The following SOX5 variants were observed in gnomAD, a reference collection of about 807,000 sequenced individuals.
The protein encoded by SOX5 is SRY-box transcription factor 5.
A neutral mutation model predicts 92.0 loss-of-function variants in SOX5; 9 were observed. The ratio of observed to expected loss-of-function variants is 0.10; its 90% CI spans 0.06 to 0.17. SOX5 has a LOEUF of 0.17. Among genes scored for constraint, SOX5 ranks in the 10% least tolerant of loss-of-function variants. The probability of loss-of-function intolerance (pLI) is 1.00; values close to 1 mark genes in which losing one functional copy is unlikely to be tolerated. For missense variants in SOX5, 642 were observed against 944.5 expected (o/e 0.68, Z 4.20); for synonymous variants, 344 against 336.3 (o/e 1.02, Z -0.25).
intron 1 of SOX5, among the ~76,000 whole-genome samples, chr12:24,398,730 G>C (rs1362821331): frequency 6.6e-6 from 1 of 152,212 alleles, no homozygotes; most frequent in Non-Finnish European, 1.5e-5. Flanking sequence ...TTTTGACTAT[G>C]CATTGATAAA....
chr12:23,902,368 T>C (rs2097243851), intron 1 of SOX5, among the ~76,000 whole-genome samples: 1 of 152,168 alleles, frequency 6.6e-6, no homozygotes, highest in Admixed American at 6.5e-5. Context: ...TAGGATGCAG[T>C]GCCTTCTACT....
intron 4 of SOX5, among the ~76,000 whole-genome samples, chr12:24,127,708 C>T (rs764166264): frequency 2.6e-5 from 4 of 152,058 alleles, no homozygotes; most frequent in African/African-American, 4.8e-5. Context: ...AAAAAATCAC[C>T]ACTCTCTTTG....
rs201697261 is a variant in SOX5, at chr12:23,543,416, G to A, written c.1598-32C>T. 5.1e-5 allele frequency: 81 copies of A among 1,578,180 alleles called. No individual in the cohort carries two copies. The Admixed American group carries it at 8.1e-4, about 16-fold the overall frequency. On this transcript the variant is annotated intron_variant, in intron 12 of 14. Coordinates refer to ENST00000451604, the MANE Select transcript of SOX5 (RefSeq NM_006940.6). Reference sequence around the variant, plus strand: ...ACAGGAAACATCACTTCGTGTTAGCGTTAAAACTTTTGTCAGCTCTTTTCC... The same window carrying A: ...ACAGGAAACATCACTTCGTGTTAGCATTAAAACTTTTGTCAGCTCTTTTCC...
At chr12:23,805,343 TAATA>T (rs2095750747) in intron 3 of SOX5, among the ~76,000 whole-genome samples, 1 of 151,790 alleles carries the variant, frequency 6.6e-6, no homozygotes, top group Non-Finnish European at 1.5e-5. Flanking sequence ...TATATATGAA[TAATA>T]AATAAATAGG....
intron 1 of SOX5, among the ~76,000 whole-genome samples, chr12:24,496,405 T>G (rs1947641557): frequency 6.6e-6 from 1 of 152,166 alleles, no homozygotes; most frequent in Non-Finnish European, 1.5e-5. Flanking sequence ...AGTTGAAAAT[T>G]AAAACACTTC....
intron 2 of SOX5, among the ~76,000 whole-genome samples, chr12:24,341,662 G>A (rs1267346457): frequency 6.6e-6 from 1 of 152,146 alleles, no homozygotes; most frequent in East Asian, 1.9e-4. Context: ...CTAGTTTCCA[G>A]TGCTAACTAG....
chr12:24,468,186 G>A (rs1056053149), intron 1 of SOX5, among the ~76,000 whole-genome samples: 2 of 152,210 alleles, frequency 1.3e-5, no homozygotes, highest in African/African-American at 2.4e-5. Flanking sequence ...GTTCTGGAAC[G>A]AGGTAGGGAG....
At chr12:24,289,898 A>C (rs1001446046) in intron 2 of SOX5, among the ~76,000 whole-genome samples, 2 of 152,330 alleles carry the variant, frequency 1.3e-5, no homozygotes, top group Middle Eastern at 6.8e-3. Flanking sequence ...GCATTATAAA[A>C]GCCTGGGGTT....
chr12:23,973,096 G>C (rs541540630), intron 4 of SOX5, among the ~76,000 whole-genome samples: 2 of 150,770 alleles, frequency 1.3e-5, no homozygotes, highest in East Asian at 1.9e-4. Context: ...AGCTTGTTTC[G>C]CTTATCATAA....
chr12:24,054,227 G>A (rs137901363), intron 4 of SOX5, among the ~76,000 whole-genome samples: 20 of 152,260 alleles, frequency 1.3e-4, no homozygotes, highest in East Asian at 5.8e-4. Flanking sequence ...ATATAAGAGC[G>A]ATTAAAGTAA....
intron 2 of SOX5, among the ~76,000 whole-genome samples, chr12:24,326,090 C>T (rs1025733541): frequency 1.3e-5 from 2 of 152,142 alleles, no homozygotes; most frequent in African/African-American, 4.8e-5. Flanking sequence ...CCTTAAAACT[C>T]ATGTGGCAAG....
intron 6 of SOX5, among the ~76,000 whole-genome samples, chr12:23,674,526 C>T (rs186473673): frequency 4.8e-4 from 73 of 151,354 alleles, no homozygotes; most frequent in Admixed American, 4.6e-3. Flanking sequence ...TTAGTAGAGA[C>T]GGGGTTTCAC....
chr12:24,374,316 G>A (rs1957027219), intron 1 of SOX5, among the ~76,000 whole-genome samples: 1 of 152,108 alleles, frequency 6.6e-6, no homozygotes, highest in African/African-American at 2.4e-5. Context: ...AGGACTGTCT[G>A]GGAATCCCTG....
At position 23,795,863 on chromosome 12, in the gene SOX5, C is replaced by G. The variant is rs969322230; in HGVS notation, c.482-40139G>C. 3.5e-4 allele frequency among the ~76,000 whole-genome samples: 53 copies of G among 152,038 alleles called. 2 individuals carry two copies. ...TCTCTATTGATTACCATTTTCTCTT[C>G]CTGGAAACAATCTTCAAAGAATGAA... On this transcript the variant is annotated intron_variant, in intron 3 of 14. Coordinates refer to ENST00000451604, the MANE Select transcript of SOX5 (RefSeq NM_006940.6).
intron 3 of SOX5, among the ~76,000 whole-genome samples, chr12:23,759,201 TA>T (rs1405866122): frequency 2.6e-5 from 4 of 152,070 alleles, no homozygotes; most frequent in Non-Finnish European, 5.9e-5. Flanking sequence ...ACTGTGGAAT[TA>T]AAAGGTAGGC....
intron 1 of SOX5, among the ~76,000 whole-genome samples, chr12:24,412,881 G>A (rs966127372): frequency 7.5e-5 from 11 of 146,256 alleles, no homozygotes; most frequent in Admixed American, 5.7e-4. Flanking sequence ...TCAGCATCCC[G>A]AGTAGCTGGG....
At chr12:24,029,762 G>T (rs1054357936) in intron 4 of SOX5, among the ~76,000 whole-genome samples, 4 of 151,984 alleles carry the variant, frequency 2.6e-5, no homozygotes, top group Non-Finnish European at 4.4e-5. Flanking sequence ...AATTAGGAAA[G>T]AAGCCCTAAC....
At chr12:23,784,788 A>C (rs925265601) in intron 3 of SOX5, among the ~76,000 whole-genome samples, 3 of 152,186 alleles carry the variant, frequency 2.0e-5, no homozygotes, top group Admixed American at 6.5e-5. Flanking sequence ...TCAGAAAAAA[A>C]ATCATTGGCC....
chr12:24,059,576 T>C (rs925399054), intron 4 of SOX5, among the ~76,000 whole-genome samples: 1 of 152,144 alleles, frequency 6.6e-6, no homozygotes, highest in Non-Finnish European at 1.5e-5. Flanking sequence ...GGAAGGACTC[T>C]TCTCAGCAGG....
Sources: gnomAD v4.1 joint callset for allele counts (sites outside exome capture counted in the v4.1 genomes callset) on GRCh38, gnomAD v4.1.1 for gene constraint, MANE v1.5 for transcripts, NCBI Gene and HGNC (gene_info 2026-07-23, HGNC 2026-07-21) for gene names.